Variants in FOXP1 observed in about 807,000 individuals in gnomAD.
FOXP1 encodes the protein forkhead box protein P1.
Under a neutral mutation model 98.2 loss-of-function variants are expected in FOXP1, and 15 were observed. That is an observed-to-expected ratio of 0.15 (90% confidence interval 0.10 to 0.24). The LOEUF (loss-of-function observed/expected upper bound fraction) is 0.24, where lower values mean the gene tolerates loss of function less well. Among genes scored for constraint, FOXP1 ranks in the 10% least tolerant of loss-of-function variants. FOXP1 has a pLI of 1.00. For synonymous variants in FOXP1, 371 were observed against 314.5 expected, an observed-to-expected ratio of 1.18 and a Z score of -1.90; for missense variants, 633 against 848.5, an observed-to-expected ratio of 0.75 and a Z score of 3.15.
intron 5 of FOXP1, chr3:71,290,059 C>G (rs1275372970): frequency 1.3e-5 from 2 of 152,192 alleles, no homozygotes; most frequent in Non-Finnish European, 2.9e-5. Context: ...ATTTCCAGGA[C>G]TACATATCCA....
At chr3:71,323,882 C>T (rs2075534697) in intron 4 of FOXP1, among the ~76,000 whole-genome samples, 1 of 152,182 alleles carries the variant, frequency 6.6e-6, no homozygotes, top group Admixed American at 6.5e-5. Context: ...CACAGGGATC[C>T]TGTCCCAGCA....
intron 5 of FOXP1, among the ~76,000 whole-genome samples, chr3:71,217,261 T>C (rs1443752371): frequency 1.3e-5 from 2 of 151,936 alleles, no homozygotes; most frequent in South Asian, 2.1e-4. Context: ...TTAGTAGAGA[T>C]GGGGTTTCAT....
intron 2 of FOXP1, among the ~76,000 whole-genome samples, chr3:71,501,647 T>A (rs146731959): frequency 6.6e-6 from 1 of 152,296 alleles, no homozygotes; most frequent in South Asian, 2.1e-4. Flanking sequence ...AAATGTTCAT[T>A]GCATGGGTAC....
chr3:71,335,180 G>A (rs966665132), intron 4 of FOXP1: 1 of 152,152 alleles, frequency 6.6e-6, no homozygotes, highest in African/African-American at 2.4e-5. Context: ...AGCTACAACA[G>A]AGGCTGAGGT....
intron 3 of FOXP1, among the ~76,000 whole-genome samples, chr3:71,475,487 G>A (rs1349648483): frequency 1.3e-5 from 2 of 152,128 alleles, no homozygotes; most frequent in East Asian, 1.9e-4. Flanking sequence ...AAGTAGGCAG[G>A]AAGTATCACT....
chr3:71,048,805 G>A (rs1430512780), intron 9 of FOXP1, among the ~76,000 whole-genome samples: 1 of 144,994 alleles, frequency 6.9e-6, no homozygotes, highest in Non-Finnish European at 1.5e-5. Context: ...AGACTATAAT[G>A]GGGGGGGTAC....
Position 70,956,545 on chromosome 3 carries a change from A to G in FOXP1, c.*2702T>C. On this transcript the variant is annotated 3_prime_UTR_variant, in exon 21 of 21. Coordinates refer to ENST00000649528, the MANE Select transcript of FOXP1 (RefSeq NM_001349338.3). ...AGGTTTGAACTGAGGTATGCGTACT[A>G]ACAGTTTCTCATGCTGTTATCTTTA... is the stretch of plus-strand genomic sequence containing the variant. 4.4e-6 allele frequency: 1 copy of G among 229,528 alleles called. No individual in the cohort carries two copies. The highest frequency in any genetic ancestry group is 8.6e-6 in the Non-Finnish European group (1 of 116,156). The allele number at this position is 229,528 out of a possible 1,614,324, so 14.2% of individuals were successfully genotyped here. A position where few individuals can be genotyped will look rare whatever the true frequency, so the allele number is the denominator to read the frequency against.
At chr3:71,119,988 A>G (rs559482186) in intron 6 of FOXP1, among the ~76,000 whole-genome samples, 1 of 152,356 alleles carries the variant, frequency 6.6e-6, no homozygotes, top group East Asian at 1.9e-4. Context: ...GGTGATTGTG[A>G]AAATATTAGA....
rs1402008033 is a variant in FOXP1 at position 70,978,041 on chromosome 3, A to AAAAC, written c.1147-16_1147-13dup. ...GATACCAGATTCAACTGCAAGGAAA[A>AAAAC]AAACAACGTCTTAGAAGACCTTCAG... On this transcript the variant is annotated splice_polypyrimidine_tract_variant and intron_variant, in intron 14 of 20. Transcript: ENST00000649528. 2 of 1,612,850 alleles carry AAAAC rather than the reference A, an allele frequency of 1.2e-6. No individual in the cohort carries two copies. Among genetic ancestry groups the AAAAC allele is most frequent in the Non-Finnish European group, 1.7e-6 (2 of 1,179,090 alleles).
At chr3:71,491,974 A>G (rs1311458396) in intron 3 of FOXP1, among the ~76,000 whole-genome samples, 1 of 152,172 alleles carries the variant, frequency 6.6e-6, no homozygotes, top group African/African-American at 2.4e-5. Context: ...GCTAGAAAGA[A>G]CCACTGAATG....
At chr3:71,452,921 A>C (rs1341072607) in intron 3 of FOXP1, among the ~76,000 whole-genome samples, 1 of 152,112 alleles carries the variant, frequency 6.6e-6, no homozygotes, top group Non-Finnish European at 1.5e-5. Flanking sequence ...TCTGTAGAAA[A>C]ATCAGAAAAT....
intron 3 of FOXP1, among the ~76,000 whole-genome samples, chr3:71,438,755 A>C (rs1259858517): frequency 1.3e-5 from 2 of 152,126 alleles, no homozygotes; most frequent in South Asian, 4.1e-4. Context: ...AAAAAAAAAA[A>C]ACCAGTCTCC....
rs1044339908 is a variant in FOXP1, at chr3:71,180,155, T to A, written c.180+18047A>T. ...TCAGAAATCGGAAGACCTTCTAAAG[T>A]TCTTGCTTAAAAAAAAAACCCACCT... is the stretch of plus-strand genomic sequence containing the variant. On this transcript the variant is annotated intron_variant, in intron 6 of 20. Coordinates refer to ENST00000649528, the MANE Select transcript of FOXP1 (RefSeq NM_001349338.3). Among the ~76,000 whole-genome samples, 3 of 152,000 alleles carry A rather than the reference T, an allele frequency of 2.0e-5. No homozygotes were observed. In the South Asian group the frequency reaches 6.2e-4, roughly 32 times the overall value.
chr3:71,022,263 G>A lies in FOXP1; in HGVS notation c.870-6610C>T, dbSNP rs561046434. 1.6e-4 allele frequency among the ~76,000 whole-genome samples: 24 copies of A among 152,184 alleles called. 1 individual carries two copies. In the South Asian group the frequency reaches 2.3e-3, roughly 14 times the overall value. On this transcript the variant is annotated intron_variant, in intron 11 of 20. Transcript: ENST00000649528. ...AACCATTACTTTTGTCAAAATGAAC[G>A]TAAATGTAAGCGTTGGCATTTTTTA...
intron 2 of FOXP1, among the ~76,000 whole-genome samples, chr3:71,536,149 CCA>C (rs1488712629): frequency 3.9e-5 from 6 of 152,040 alleles, no homozygotes. Context: ...CTGAAGGATT[CCA>C]GTTTTCAATT....
intron 12 of FOXP1, among the ~76,000 whole-genome samples, chr3:71,008,403 G>A (rs930167477): frequency 2.0e-5 from 3 of 152,146 alleles, no homozygotes; most frequent in African/African-American, 7.2e-5. Flanking sequence ...GAAGATGGAA[G>A]AACGCCGATG....
intron 6 of FOXP1, chr3:71,130,962 C>G: frequency 8.3e-7 from 1 of 1,199,764 alleles, no homozygotes; most frequent in East Asian, 3.6e-5. Context: ...AGCTCATTCA[C>G]GCAGACAAAT....
chr3:71,149,281 G>A (rs1452911926), intron 6 of FOXP1, among the ~76,000 whole-genome samples: 1 of 152,194 alleles, frequency 6.6e-6, no homozygotes. Flanking sequence ...TTGAGAGGCA[G>A]GGTATTCATA....
intron 9 of FOXP1, among the ~76,000 whole-genome samples, chr3:71,049,334 C>CT (rs2049507858): frequency 6.6e-6 from 1 of 152,104 alleles, no homozygotes; most frequent in Non-Finnish European, 1.5e-5. Context: ...AGGATGGAAT[C>CT]TTTTTTTGTA....
Sources: allele counts gnomAD v4.1 joint callset (sites outside exome capture counted in the v4.1 genomes callset), GRCh38; gene constraint gnomAD v4.1.1; transcripts MANE v1.5; gene names NCBI Gene and HGNC (gene_info 2026-07-23, HGNC 2026-07-21).